The following PPM1A variants were observed in gnomAD, a reference collection of about 807,000 sequenced individuals.
PPM1A encodes protein phosphatase 1A.
A neutral mutation model predicts 35.0 loss-of-function variants in PPM1A; 7 were observed. The ratio of observed to expected loss-of-function variants is 0.20; its 90% CI spans 0.11 to 0.38. The LOEUF is 0.38. Ranked by LOEUF, PPM1A falls within the 10% of genes least tolerant of loss-of-function variation. The pLI is 1.00. For missense variants in PPM1A, 239 were observed against 467.8 expected (o/e 0.51, Z 4.51); for synonymous variants, 153 against 167.3 (o/e 0.91, Z 0.66).
rs1301511266 is a variant in PPM1A, at chr14:60,269,138, G to T, written c.-20-13546G>T. On this transcript the variant is annotated intron_variant, in intron 1 of 5. Transcript: ENST00000395076. ...AAACATGGCTCTTATTCTGTTTATT[G>T]CTTTATTCCTTGTGATTTACTTTGT... Among the ~76,000 whole-genome samples the T allele has an allele frequency of 2.0e-5, 3 of 151,896 alleles. No homozygotes were observed. The East Asian group carries it at 5.8e-4, about 29-fold the overall frequency.
chr14:60,273,908 C>T lies in PPM1A; in HGVS notation c.-20-8776C>T, dbSNP rs1244858823. On this transcript the variant is annotated intron_variant, in intron 1 of 5. Coordinates refer to ENST00000395076, the MANE Select transcript of PPM1A (RefSeq NM_021003.5). This position sits in a 1 kb window ranked among gnomAD's most constrained non-coding sequence, Gnocchi z 4.3. ...TCTTGAACTCCTGGATTCAAGCAAT[C>T]TTACCGCCCCAGCCTCCAAGCAGTT... Among the ~76,000 whole-genome samples the T allele has an allele frequency of 1.3e-5, 2 of 152,156 alleles. No individual in the cohort carries two copies. The highest frequency in any genetic ancestry group is 2.4e-5 in the African/African-American group (1 of 41,436).
At chr14:60,269,872 A>T (rs1884880024) in intron 1 of PPM1A, among the ~76,000 whole-genome samples, 1 of 152,064 alleles carries the variant, frequency 6.6e-6, no homozygotes. Flanking sequence ...TTTTGTCTGA[A>T]TTGTATTCTT....
At position 60,283,577 on chromosome 14, in the gene PPM1A, C is replaced by A. The variant is rs147436931; in HGVS notation, c.834+40C>A. On this transcript the variant is annotated intron_variant, in intron 2 of 5. Coordinates refer to ENST00000395076, the MANE Select transcript of PPM1A (RefSeq NM_021003.5). The surrounding 1 kb of genome is among the most constrained non-coding windows in gnomAD (Gnocchi z 6.3). ...TTTAAAAACATAAAATGATTTTATG[C>A]CATATTAATCACTACTCTAGTATTT... is the stretch of plus-strand genomic sequence containing the variant. 1.6e-3 allele frequency: 2,439 copies of A among 1,538,766 alleles called. 10 individuals are homozygous for A. The highest frequency in any genetic ancestry group is 1.8e-3 in the Non-Finnish European group (2,015 of 1,144,118).
chr14:60,270,166 C>T lies in PPM1A; in HGVS notation c.-20-12518C>T, dbSNP rs575132765. Among the ~76,000 whole-genome samples, 56 of 151,992 alleles carry T rather than the reference C, an allele frequency of 3.7e-4. 1 individual carries two copies. The South Asian group carries it at 0.012, about 32-fold the overall frequency. ...TGATTTTTGTCCTGTTCGTTTTTACCCCTTGCAGATTGTTTGCTGTAGTGT... is the reference window on the plus strand; with the variant it reads ...TGATTTTTGTCCTGTTCGTTTTTACTCCTTGCAGATTGTTTGCTGTAGTGT... On this transcript the variant is annotated intron_variant, in intron 1 of 5. Coordinates refer to ENST00000395076, the MANE Select transcript of PPM1A (RefSeq NM_021003.5).
chr14:60,272,648 G>T (rs114337160), intron 1 of PPM1A, among the ~76,000 whole-genome samples: 3,865 of 138,124 alleles, frequency 0.028, 147 homozygotes, highest in African/African-American at 0.1. Flanking sequence ...CCAAGATCAT[G>T]CCGCCACATC....
intron 2 of PPM1A, among the ~76,000 whole-genome samples, chr14:60,285,089 T>C (rs1177855563): frequency 1.3e-5 from 2 of 152,210 alleles, no homozygotes; most frequent in African/African-American, 4.8e-5. Context: ...AGCTGGTTTA[T>C]AAACCTTAGG....
At position 60,283,842 on chromosome 14, in the gene PPM1A, G is replaced by A. The variant is rs567720378; in HGVS notation, c.834+305G>A. On this transcript the variant is annotated intron_variant, in intron 2 of 5. Coordinates refer to ENST00000395076, the MANE Select transcript of PPM1A (RefSeq NM_021003.5). This position sits in a 1 kb window ranked among gnomAD's most constrained non-coding sequence, Gnocchi z 6.3. ...CATGTTTTGAAAGAAAGAGGGTGGG[G>A]AGGGTTAGGCCTCAGTGTCTATAAA... 6.6e-6 allele frequency among the ~76,000 whole-genome samples: 1 copy of A among 152,194 alleles called. No individual in the cohort carries two copies. The highest frequency in any genetic ancestry group is 1.9e-4 in the East Asian group (1 of 5,194).
At chr14:60,256,501 T>A (rs1883153465) in intron 1 of PPM1A, among the ~76,000 whole-genome samples, 1 of 152,184 alleles carries the variant, frequency 6.6e-6, no homozygotes, top group Non-Finnish European at 1.5e-5. Flanking sequence ...TAATTTCATA[T>A]AGTCAGTCAG....
At chr14:60,257,626 AAAGAAT>A (rs1319251208) in intron 1 of PPM1A, among the ~76,000 whole-genome samples, 1 of 152,208 alleles carries the variant, frequency 6.6e-6, no homozygotes, top group Non-Finnish European at 1.5e-5. Flanking sequence ...GTACTGTTTT[AAAGAAT>A]AAGAATATAA....
chr14:60,295,068 AG>A lies in PPM1A; in HGVS notation c.*2589del, dbSNP rs1887952410. 1 of 151,744 alleles carries A rather than the reference AG, an allele frequency of 6.6e-6. No homozygotes were observed. Among genetic ancestry groups the A allele is most frequent in the Non-Finnish European group, 1.5e-5 (1 of 67,736 alleles). 9.4% of individuals were successfully genotyped at this position (151,744 alleles called of 1,614,324 possible). ...CTTTTTTTGTGCTAATTAGCATCTC[AG>A]GGCAATGCCTCAAAAATGTTTGATG... is the stretch of plus-strand genomic sequence containing the variant. On this transcript the variant is annotated 3_prime_UTR_variant, in exon 6 of 6. Coordinates refer to ENST00000395076, the MANE Select transcript of PPM1A (RefSeq NM_021003.5).
At chr14:60,288,022 G>A (rs563560311) in intron 3 of PPM1A, 6 of 980,282 alleles carry the variant, frequency 6.1e-6, no homozygotes, top group Non-Finnish European at 6.1e-6. Flanking sequence ...TAAGTAAAAC[G>A]TATAGGTCAA....
At chr14:60,291,535 T>A (rs1887633924) in intron 5 of PPM1A, 81 bp downstream of exon 5, 1 of 1,182,782 alleles carries the variant, frequency 8.5e-7, no homozygotes, top group Non-Finnish European at 1.2e-6. Context: ...TTTGCAGAGC[T>A]GTTCACTGTA....
rs1882104355 is a variant in PPM1A, at chr14:60,249,743, G to A, written c.-21+66G>A. ...TGCGGGCCTGCGCGGCGGCGGCGGC[G>A]GGCAGGCCTGGGGCCTGTAAACAAG... On this transcript the variant is annotated intron_variant, in intron 1 of 5. Coordinates refer to ENST00000395076, the MANE Select transcript of PPM1A (RefSeq NM_021003.5). This position sits in a 1 kb window ranked among gnomAD's most constrained non-coding sequence, Gnocchi z 4.5. The A allele has an allele frequency of 2.2e-6, 2 of 923,220 alleles. No individual in the cohort carries two copies. Among genetic ancestry groups the A allele is most frequent in the Non-Finnish European group, 2.6e-6 (2 of 773,694 alleles). 57.2% of individuals were successfully genotyped at this position (923,220 alleles called of 1,614,324 possible).
intron 1 of PPM1A, among the ~76,000 whole-genome samples, chr14:60,276,490 C>G: frequency 6.6e-6 from 1 of 152,090 alleles, no homozygotes; most frequent in East Asian, 1.9e-4. Context: ...TCTTGGAATG[C>G]CTGTTTAGCA....
intron 1 of PPM1A, among the ~76,000 whole-genome samples, chr14:60,253,074 T>C (rs778126461): frequency 1.4e-4 from 22 of 152,286 alleles, no homozygotes; most frequent in East Asian, 3.9e-4. Context: ...TAGACTCTTA[T>C]ACAGTTTTTA....
chr14:60,289,915 G>C lies in PPM1A; in HGVS notation c.1061+1G>C. ...CACCAGGGGGTGAATTGGCAAGCAAGTAAGTTACATTCTGTACACTCTTAT... is the reference window on the plus strand; with the variant it reads ...CACCAGGGGGTGAATTGGCAAGCAACTAAGTTACATTCTGTACACTCTTAT... On this transcript the variant is annotated splice_donor_variant, in intron 4 of 5. Coordinates refer to ENST00000395076, the MANE Select transcript of PPM1A (RefSeq NM_021003.5). LOFTEE classifies it high-confidence loss of function. The surrounding 1 kb of genome is among the most constrained non-coding windows in gnomAD (Gnocchi z 4.1). The C allele has an allele frequency of 6.4e-7, 1 of 1,568,634 alleles. No individual in the cohort carries two copies. Among genetic ancestry groups the C allele is most frequent in the Non-Finnish European group, 8.6e-7 (1 of 1,157,852 alleles).
upstream of PPM1A, among the ~76,000 whole-genome samples, chr14:60,248,441 T>C (rs1229061848): frequency 6.6e-6 from 1 of 152,212 alleles, no homozygotes; most frequent in Admixed American, 6.5e-5. Context: ...TGCCAGAAAC[T>C]CAGAGCATGT....
upstream of PPM1A, among the ~76,000 whole-genome samples, chr14:60,249,034 A>C (rs1229104151): frequency 2.0e-5 from 3 of 151,974 alleles, no homozygotes; most frequent in Admixed American, 1.3e-4. This position sits in a 1 kb window ranked among gnomAD's most constrained non-coding sequence, Gnocchi z 4.5. Flanking sequence ...TAAGGCAGTG[A>C]CGTCATCTGT....
At chr14:60,266,832 G>A (rs1884441428) in intron 1 of PPM1A, among the ~76,000 whole-genome samples, 1 of 152,028 alleles carries the variant, frequency 6.6e-6, no homozygotes. Flanking sequence ...GAACAAAAAG[G>A]TCCAGTTGTG....
Sources: gnomAD v4.1 joint callset for allele counts (sites outside exome capture counted in the v4.1 genomes callset) on GRCh38, gnomAD v4.1.1 for gene constraint, Gnocchi (gnomAD v3.1) non-coding constraint, MANE v1.5 for transcripts, NCBI Gene and HGNC (gene_info 2026-07-23, HGNC 2026-07-21) for gene names.